The following TYW1 variants were observed in gnomAD, a reference collection of about 807,000 sequenced individuals.
TYW1 encodes the protein S-adenosyl-L-methionine-dependent tRNA 4-demethylwyosine synthase TYW1.
Under a neutral mutation model 96.2 loss-of-function variants are expected in TYW1, and 46 were observed. That is an observed-to-expected ratio of 0.48 (90% CI 0.38 to 0.61). The LOEUF (loss-of-function observed/expected upper bound fraction) is 0.61, where lower values mean the gene tolerates loss of function less well. Among genes scored for constraint, TYW1 ranks in the 20% least tolerant of loss-of-function variants. The probability of loss-of-function intolerance (pLI) is 0.00; values close to 1 mark genes in which losing one functional copy is unlikely to be tolerated. For missense variants in TYW1, 684 were observed against 909.6 expected, an observed-to-expected ratio of 0.75 and a Z score of 3.19; for synonymous variants, 274 against 323.0, an observed-to-expected ratio of 0.85 and a Z score of 1.63.
chr7:67,130,121 C>T (rs1798021893), intron 13 of TYW1, among the ~76,000 whole-genome samples: 1 of 152,006 alleles, frequency 6.6e-6, no homozygotes, highest in Non-Finnish European at 1.5e-5. Flanking sequence ...TGGCTCATGC[C>T]TCTAATCCCA....
intron 13 of TYW1, among the ~76,000 whole-genome samples, chr7:67,153,743 C>G (rs940807159): frequency 8.5e-5 from 13 of 152,112 alleles, no homozygotes; most frequent in African/African-American, 2.9e-4. Flanking sequence ...TTTATACTAA[C>G]TATACTTGAA....
chr7:67,019,344 T>C (rs1233934694), intron 6 of TYW1, among the ~76,000 whole-genome samples: 2 of 71,354 alleles, frequency 2.8e-5, no homozygotes, highest in African/African-American at 8.6e-5. Context: ...TACAGGCACG[T>C]ACCACTACGC....
intron 4 of TYW1, among the ~76,000 whole-genome samples, chr7:67,010,765 G>A (rs188123473): frequency 3.9e-5 from 6 of 152,168 alleles, no homozygotes; most frequent in South Asian, 2.1e-4. Context: ...GTGAGTCACC[G>A]CGCCTGGCCA....
At chr7:67,092,790 C>T (rs1240048842) in intron 11 of TYW1, among the ~76,000 whole-genome samples, 1 of 142,518 alleles carries the variant, frequency 7.0e-6, no homozygotes, top group African/African-American at 2.6e-5. Flanking sequence ...TCAAGCAATT[C>T]TCCTGGCTCA....
Position 66,998,972 on chromosome 7 carries a change from T to A in TYW1, c.273+18T>A. On this transcript the variant is annotated intron_variant, in intron 3 of 15. Transcript: ENST00000359626. ...CAGCGAAGGTAAGAAATTTATATGA[T>A]GCTTTTCCTTTGGTTTCCTGACATT... 6.2e-7 allele frequency: 1 copy of A among 1,612,960 alleles called. No individual in the cohort carries two copies. Among genetic ancestry groups the A allele is most frequent in the South Asian group, 1.1e-5 (1 of 90,934 alleles).
chr7:67,238,327 GGTGGAC>G lies in TYW1; in HGVS notation c.1998_2003del (p.Trp666_Thr668delinsTer), dbSNP rs1274326686. The G allele has an allele frequency of 6.2e-7, 1 of 1,608,894 alleles. No homozygotes were observed. Among genetic ancestry groups the G allele is most frequent in the African/African-American group, 1.3e-5 (1 of 74,532 alleles). ...TTCCAGTTTAAAATTGGTGGTGAAT[GGTGGAC>G]ATGGATCGATTATAACCGCTTCCAG... On this transcript the variant is annotated stop_gained and inframe_deletion, in exon 16 of 16. Transcript: ENST00000359626. LOFTEE classifies it high-confidence loss of function.
At position 67,185,374 on chromosome 7, in the gene TYW1, TGA is replaced by T. The variant is rs376057944; in HGVS notation, c.1809+2140_1809+2141del. On this transcript the variant is annotated intron_variant, in intron 14 of 15. Transcript: ENST00000359626. ...TAGAGTAGGCACAACAGTCACAAAGTGAGTGGTTAGTCCAAGCAAGAGATGGT... is the reference window on the plus strand; with the variant it reads ...TAGAGTAGGCACAACAGTCACAAAGTGTGGTTAGTCCAAGCAAGAGATGGT... 2.6e-3 allele frequency among the ~76,000 whole-genome samples: 389 copies of T among 151,396 alleles called. 3 individuals carry two copies. Among genetic ancestry groups the T allele is most frequent in the African/African-American group, 9.0e-3 (370 of 41,138 alleles).
At chr7:67,153,714 T>C (rs1460212534) in intron 13 of TYW1, among the ~76,000 whole-genome samples, 1 of 152,218 alleles carries the variant, frequency 6.6e-6, no homozygotes, top group African/African-American at 2.4e-5. Context: ...TTAGAAACCA[T>C]CTTTATTGAC....
At chr7:67,006,438 CTT>C (rs34088521) in intron 3 of TYW1, among the ~76,000 whole-genome samples, 6 of 114,742 alleles carry the variant, frequency 5.2e-5, no homozygotes, top group Middle Eastern at 5.2e-3. Flanking sequence ...TTCTTTTTTC[CTT>C]TTTTTTTTTT....
intron 15 of TYW1, among the ~76,000 whole-genome samples, chr7:67,236,083 A>G (rs1158732824): frequency 6.6e-6 from 1 of 152,116 alleles, no homozygotes; most frequent in East Asian, 1.9e-4. Context: ...TCCTGTGGCC[A>G]GGAAACTGAC....
intron 15 of TYW1, among the ~76,000 whole-genome samples, chr7:67,237,412 A>G (rs1252296293): frequency 1.3e-5 from 2 of 151,292 alleles, no homozygotes; most frequent in South Asian, 2.1e-4. Flanking sequence ...AGGCAGGAGA[A>G]TGGCATGAAC....
intron 15 of TYW1, among the ~76,000 whole-genome samples, chr7:67,198,426 C>T (rs1800475682): frequency 1.3e-5 from 2 of 151,768 alleles, no homozygotes; most frequent in Non-Finnish European, 2.9e-5. Context: ...TGGCGGGGGC[C>T]TGTAATCTCA....
At chr7:67,197,122 G>T (rs1434680143) in intron 15 of TYW1, among the ~76,000 whole-genome samples, 1 of 152,142 alleles carries the variant, frequency 6.6e-6, no homozygotes, top group South Asian at 2.1e-4. Flanking sequence ...TGGAAAATGG[G>T]TATATTGCTA....
chr7:67,018,126 C>G lies in TYW1; in HGVS notation c.844C>G (p.His282Asp). 6.2e-7 allele frequency: 1 copy of G among 1,613,562 alleles called. No homozygotes were observed. The highest frequency in any genetic ancestry group is 8.5e-7 in the Non-Finnish European group (1 of 1,179,622). Reference protein sequence around the residue: ...EEGSHEQDELHHRDTEEEEPF... With the variant: ...EEGSHEQDELDHRDTEEEEPF... ...AGGATCTCATGAGCAGGATGAATTG[C>G]ATCATAGAGACACCGAGGTATACCG... The change falls in exon 6 of 16, where the codon CAT (histidine) becomes GAT (aspartate). Residue 282 changes from histidine to aspartate, a missense_variant. Coordinates refer to ENST00000359626, the MANE Select transcript of TYW1 (RefSeq NM_018264.4).
chr7:67,025,114 A>T (rs914970024), intron 7 of TYW1, 92 bp downstream of exon 7: 2 of 1,531,384 alleles, frequency 1.3e-6, no homozygotes, highest in African/African-American at 2.8e-5. Flanking sequence ...CTGAGCTCAC[A>T]GAGGAGTTTC....
intron 11 of TYW1, among the ~76,000 whole-genome samples, chr7:67,088,463 A>G (rs564399693): frequency 6.6e-6 from 1 of 152,362 alleles, no homozygotes; most frequent in South Asian, 2.1e-4. Flanking sequence ...AAAAAATGTT[A>G]TGTGATTTCT....
chr7:67,159,992 A>G (rs1799110490), intron 13 of TYW1, among the ~76,000 whole-genome samples: 1 of 151,696 alleles, frequency 6.6e-6, no homozygotes, highest in African/African-American at 2.4e-5. Context: ...TTTAGTAGAG[A>G]TGGGGTATCA....
chr7:67,045,250 A>T (rs1795150835), intron 7 of TYW1, among the ~76,000 whole-genome samples: 1 of 151,812 alleles, frequency 6.6e-6, no homozygotes. Flanking sequence ...TTGCTTTGTA[A>T]CCCATGCTAG....
chr7:67,008,357 T>C (rs1793674666), intron 3 of TYW1, among the ~76,000 whole-genome samples: 1 of 152,240 alleles, frequency 6.6e-6, no homozygotes, highest in African/African-American at 2.4e-5. Flanking sequence ...AAACTCAATC[T>C]CCAGCCCCTC....
Sources: allele counts gnomAD v4.1 joint callset (sites outside exome capture counted in the v4.1 genomes callset), GRCh38; gene constraint gnomAD v4.1.1; transcripts MANE v1.5; gene names NCBI Gene and HGNC (gene_info 2026-07-23, HGNC 2026-07-21).